PPHLN1: variants seen among roughly 807,000 people sequenced by gnomAD.
PPHLN1 encodes the protein periphilin-1.
In PPHLN1, 29 loss-of-function variants were observed where a neutral mutation model predicts 51.3. The ratio of observed to expected loss-of-function variants is 0.57; its 90% confidence interval spans 0.42 to 0.77. The LOEUF (loss-of-function observed/expected upper bound fraction) is 0.77, where lower values mean the gene tolerates loss of function less well. PPHLN1 is among the 30% of genes least tolerant of loss of function. PPHLN1 has a pLI of 0.00. For synonymous variants in PPHLN1, 147 were observed against 147.8 expected, an observed-to-expected ratio of 0.99 and a Z score of 0.04; for missense variants, 436 against 438.4, an observed-to-expected ratio of 0.99 and a Z score of 0.05.
intron 9 of PPHLN1, chr12:42,400,227 G>A (rs2078669555): frequency 6.6e-6 from 1 of 151,774 alleles, no homozygotes; most frequent in South Asian, 2.1e-4. Context: ...CCAGCACTTT[G>A]GGAGGCCGAG....
At chr12:42,364,125 G>A (rs935326447) in intron 4 of PPHLN1, among the ~76,000 whole-genome samples, 5 of 152,174 alleles carry the variant, frequency 3.3e-5, no homozygotes, top group African/African-American at 1.2e-4. Flanking sequence ...TCAGGAGACT[G>A]AGGCATGAGA....
intron 9 of PPHLN1, among the ~76,000 whole-genome samples, chr12:42,410,695 A>C (rs1016498389): frequency 3.9e-5 from 6 of 152,230 alleles, no homozygotes; most frequent in African/African-American, 7.2e-5. Flanking sequence ...GTTAGAAAGT[A>C]AAAGAAGCAG....
At chr12:42,336,589 G>C (rs1245024955) in intron 2 of PPHLN1, among the ~76,000 whole-genome samples, 3 of 152,296 alleles carry the variant, frequency 2.0e-5, no homozygotes, top group South Asian at 2.1e-4. Flanking sequence ...TTTGAGCCAA[G>C]CCTTTTCTAA....
intron 2 of PPHLN1, chr12:42,343,974 A>T: frequency 2.7e-6 from 1 of 368,698 alleles, no homozygotes; most frequent in Non-Finnish European, 5.2e-6. Flanking sequence ...CAGAGTTAGG[A>T]AATTACAAGC....
rs1224433932 is a variant in PPHLN1, at chr12:42,363,342, T to TAAA, written c.299+8120_299+8121insAAA. On this transcript the variant is annotated intron_variant, in intron 4 of 9. Transcript: ENST00000358314. Reference sequence around the variant, plus strand: ...TTAATTAATTAATTTAAAAAAAAATTTTTTTTGTAGTTTGCCACCACTGGG... The same window carrying TAAA: ...TTAATTAATTAATTTAAAAAAAAATTAAATTTTTTGTAGTTTGCCACCACTGGG... Among the ~76,000 whole-genome samples, 39 of 143,726 alleles carry TAAA rather than the reference T, an allele frequency of 2.7e-4. No individual in the cohort carries two copies. The East Asian group carries it at 3.3e-3, about 12-fold the overall frequency. The allele number at this position is 143,726 out of a possible 152,430, so 94.3% of individuals were successfully genotyped here. A position where few individuals can be genotyped will look rare whatever the true frequency, so the allele number is the denominator to read the frequency against.
chr12:42,380,790 A>G (rs1213360778), intron 5 of PPHLN1, among the ~76,000 whole-genome samples: 1 of 152,196 alleles, frequency 6.6e-6, no homozygotes, highest in Non-Finnish European at 1.5e-5. Context: ...ATATTAGGCA[A>G]CAGGAAGAGA....
At chr12:42,334,169 A>G (rs1266713905) in intron 1 of PPHLN1, among the ~76,000 whole-genome samples, 1 of 152,182 alleles carries the variant, frequency 6.6e-6, no homozygotes, top group Non-Finnish European at 1.5e-5. Context: ...TTCCCTTTCA[A>G]GCTTCCATAG....
At chr12:42,417,422 A>T (rs982443227) in intron 9 of PPHLN1, among the ~76,000 whole-genome samples, 1 of 152,038 alleles carries the variant, frequency 6.6e-6, no homozygotes, top group African/African-American at 2.4e-5. Context: ...TGGGATAGGG[A>T]GGAGGGGGAG....
At chr12:42,329,228 A>G (rs918673164) in intron 1 of PPHLN1, among the ~76,000 whole-genome samples, 3 of 151,492 alleles carry the variant, frequency 2.0e-5, no homozygotes, top group African/African-American at 7.3e-5. Flanking sequence ...CAGCCTTCCG[A>G]GTAGCTGGGA....
intron 7 of PPHLN1, among the ~76,000 whole-genome samples, chr12:42,389,071 T>C (rs1326457221): frequency 6.6e-6 from 1 of 152,082 alleles, no homozygotes; most frequent in Non-Finnish European, 1.5e-5. Context: ...GCCGTGTCTC[T>C]ACTAAAAATA....
intron 9 of PPHLN1, among the ~76,000 whole-genome samples, chr12:42,412,249 A>C (rs2079934085): frequency 6.6e-6 from 1 of 150,948 alleles, no homozygotes; most frequent in African/African-American, 2.5e-5. Context: ...CACCCACTCC[A>C]CCCTCCTGCT....
intron 2 of PPHLN1, among the ~76,000 whole-genome samples, chr12:42,347,577 C>G (rs1048962195): frequency 1.3e-5 from 2 of 152,054 alleles, no homozygotes; most frequent in African/African-American, 2.4e-5. Flanking sequence ...GTCAGGAATT[C>G]GAGACCAGCC....
chr12:42,397,795 G>A (rs548456058), intron 8 of PPHLN1, among the ~76,000 whole-genome samples: 51 of 152,198 alleles, frequency 3.4e-4, no homozygotes, highest in African/African-American at 1.2e-3. Flanking sequence ...GAGTGCAGTG[G>A]CGCTGGTGTG....
intron 4 of PPHLN1, 197 bp downstream of exon 4, chr12:42,355,419 T>G: frequency 2.1e-6 from 1 of 487,354 alleles, no homozygotes; most frequent in East Asian, 3.6e-5. Flanking sequence ...TCTCTTGGCA[T>G]TTTGTAACTC....
chr12:42,333,700 T>G (rs923445478), intron 1 of PPHLN1, among the ~76,000 whole-genome samples: 3 of 152,138 alleles, frequency 2.0e-5, no homozygotes, highest in Admixed American at 1.3e-4. Flanking sequence ...GCCAGGATGG[T>G]CTCGATCTCC....
chr12:42,412,088 C>G (rs1211974081), intron 9 of PPHLN1, among the ~76,000 whole-genome samples: 1 of 151,942 alleles, frequency 6.6e-6, no homozygotes, highest in Non-Finnish European at 1.5e-5. Context: ...ATCTATAGTC[C>G]CAGCTACTCG....
chr12:42,413,330 A>T (rs2080043336), intron 9 of PPHLN1, among the ~76,000 whole-genome samples: 1 of 152,150 alleles, frequency 6.6e-6, no homozygotes, highest in Non-Finnish European at 1.5e-5. Flanking sequence ...ATTCTTCTAT[A>T]TGTGGCTATC....
At chr12:42,412,076 G>A (rs1002649099) in intron 9 of PPHLN1, among the ~76,000 whole-genome samples, 3 of 151,930 alleles carry the variant, frequency 2.0e-5, no homozygotes, top group Non-Finnish European at 2.9e-5. Flanking sequence ...GTGGTGGCAC[G>A]CATCTATAGT....
downstream of PPHLN1, chr12:42,442,579 C>T: frequency 6.2e-7 from 1 of 1,606,764 alleles, no homozygotes; most frequent in Non-Finnish European, 8.5e-7. Context: ...CGGCAGTCCC[C>T]TAGCCATTCT....
Sources: allele counts gnomAD v4.1 joint callset (sites outside exome capture counted in the v4.1 genomes callset), GRCh38; gene constraint gnomAD v4.1.1; transcripts MANE v1.5; gene names NCBI Gene and HGNC (gene_info 2026-07-23, HGNC 2026-07-21).